Variants in NXPH1 observed in about 807,000 individuals in gnomAD.
NXPH1 encodes neurexophilin-1.
A neutral mutation model predicts 23.7 loss-of-function variants in NXPH1; 5 were observed. The observed-to-expected ratio is 0.21, with a 90% CI of 0.11 to 0.44. The LOEUF is 0.44. NXPH1 is among the 20% of genes least tolerant of loss of function. NXPH1 has a pLI of 0.99. For synonymous variants in NXPH1, 144 were observed against 122.2 expected, an observed-to-expected ratio of 1.18 and a Z score of -1.18; for missense variants, 324 against 321.6, an observed-to-expected ratio of 1.01 and a Z score of -0.06.
chr7:8,718,837 T>C (rs906859335), intron 2 of NXPH1, among the ~76,000 whole-genome samples: 1 of 152,202 alleles, frequency 6.6e-6, no homozygotes, highest in Admixed American at 6.5e-5. Flanking sequence ...AACACCCTTT[T>C]TGTATCACAT....
At chr7:8,484,226 G>T (rs188003087) in intron 2 of NXPH1, among the ~76,000 whole-genome samples, 61 of 152,142 alleles carry the variant, frequency 4.0e-4, no homozygotes, top group African/African-American at 1.3e-3. Flanking sequence ...TTCAAACTGT[G>T]CTCAGCAAAT....
intron 2 of NXPH1, among the ~76,000 whole-genome samples, chr7:8,559,081 C>A (rs536471406): frequency 6.6e-6 from 1 of 151,648 alleles, no homozygotes; most frequent in Admixed American, 6.6e-5. Flanking sequence ...ACTTCCACCT[C>A]AGCCTGCTGA....
At chr7:8,674,877 G>C (rs552174995) in intron 2 of NXPH1, among the ~76,000 whole-genome samples, 1 of 152,088 alleles carries the variant, frequency 6.6e-6, no homozygotes. Context: ...AGGAACAATC[G>C]ACCTAGAAAC....
At chr7:8,665,035 A>T (rs1197935157) in intron 2 of NXPH1, among the ~76,000 whole-genome samples, 2 of 151,562 alleles carry the variant, frequency 1.3e-5, no homozygotes, top group Non-Finnish European at 3.0e-5. Context: ...TATGTAATCC[A>T]ATTGTCTGTT....
chr7:8,752,256 G>T lies in NXPH1; in HGVS notation c.*487G>T. ...TCCTACTGCTTGGAGTAGCTGTACT[G>T]GTAAATACTACTGTAGGAGTATCTG... On this transcript the variant is annotated 3_prime_UTR_variant, in exon 3 of 3. Transcript: ENST00000405863. The T allele has an allele frequency of 6.3e-6, 1 of 157,646 alleles. No individual in the cohort carries two copies. The highest frequency in any genetic ancestry group is 6.0e-5 in the Admixed American group (1 of 16,560). The allele number at this position is 157,646 out of a possible 1,614,324, so 9.8% of individuals were successfully genotyped here. A position where few individuals can be genotyped will look rare whatever the true frequency, so the allele number is the denominator to read the frequency against.
At chr7:8,677,625 C>T (rs912414556) in intron 2 of NXPH1, among the ~76,000 whole-genome samples, 20 of 152,192 alleles carry the variant, frequency 1.3e-4, no homozygotes, top group Middle Eastern at 6.8e-3. Context: ...GAGCCCATCC[C>T]ATTACTGTGA....
chr7:8,713,133 T>C (rs987153412), intron 2 of NXPH1, among the ~76,000 whole-genome samples: 1 of 152,138 alleles, frequency 6.6e-6, no homozygotes, highest in South Asian at 2.1e-4. Context: ...TTCTTTTTTA[T>C]TCTTTTTTCT....
chr7:8,561,938 A>T (rs757428068), intron 2 of NXPH1, among the ~76,000 whole-genome samples: 11 of 151,754 alleles, frequency 7.2e-5, no homozygotes, highest in Non-Finnish European at 3.0e-5. Flanking sequence ...TGATGTTTCG[A>T]TATACATATA....
intron 2 of NXPH1, among the ~76,000 whole-genome samples, chr7:8,574,016 G>A (rs938722504): frequency 1.3e-5 from 2 of 152,068 alleles, no homozygotes; most frequent in Admixed American, 6.6e-5. Context: ...AAGATTTATT[G>A]AGGATTTAAG....
chr7:8,544,838 A>G (rs780195342), intron 2 of NXPH1, among the ~76,000 whole-genome samples: 2 of 151,634 alleles, frequency 1.3e-5, no homozygotes, highest in Non-Finnish European at 3.0e-5. Flanking sequence ...TTATGTAGCT[A>G]TACCCTTTAG....
chr7:8,624,371 A>G (rs1819943953), intron 2 of NXPH1, among the ~76,000 whole-genome samples: 1 of 152,184 alleles, frequency 6.6e-6, no homozygotes, highest in African/African-American at 2.4e-5. Context: ...CTCTGAGAAG[A>G]TCAGAGCTAG....
At chr7:8,599,611 T>G (rs540036581) in intron 2 of NXPH1, among the ~76,000 whole-genome samples, 1 of 152,272 alleles carries the variant, frequency 6.6e-6, no homozygotes, top group Non-Finnish European at 1.5e-5. Context: ...CTGCCTTCAA[T>G]TCCTTCATTT....
At chr7:8,487,099 T>G (rs1817171285) in intron 2 of NXPH1, among the ~76,000 whole-genome samples, 1 of 152,168 alleles carries the variant, frequency 6.6e-6, no homozygotes, top group African/African-American at 2.4e-5. Context: ...TACATATTTT[T>G]GAATGAATAT....
At chr7:8,437,835 C>G (rs1816222563) in intron 2 of NXPH1, among the ~76,000 whole-genome samples, 1 of 152,200 alleles carries the variant, frequency 6.6e-6, no homozygotes, top group African/African-American at 2.4e-5. Flanking sequence ...ACCTGAATGC[C>G]TTTTGGCAAT....
intron 2 of NXPH1, among the ~76,000 whole-genome samples, chr7:8,720,851 G>A (rs1488071007): frequency 6.6e-6 from 1 of 152,122 alleles, no homozygotes; most frequent in Non-Finnish European, 1.5e-5. Context: ...CCTATAAAAT[G>A]ATTTGCAGTG....
intron 2 of NXPH1, among the ~76,000 whole-genome samples, chr7:8,449,050 T>A (rs1816458183): frequency 1.3e-5 from 2 of 152,238 alleles, no homozygotes; most frequent in African/African-American, 4.8e-5. Context: ...CATTTGAGAT[T>A]ATCTTAAAAT....
chr7:8,714,303 C>A (rs1273921902), intron 2 of NXPH1, among the ~76,000 whole-genome samples: 2 of 151,216 alleles, frequency 1.3e-5, no homozygotes, highest in African/African-American at 4.9e-5. Flanking sequence ...GTGGTGGATG[C>A]TGACAGACCT....
intron 2 of NXPH1, among the ~76,000 whole-genome samples, chr7:8,607,270 T>TG (rs1819516281): frequency 6.6e-6 from 1 of 152,196 alleles, no homozygotes; most frequent in Non-Finnish European, 1.5e-5. Context: ...AAATTTTACA[T>TG]GCTCTGGGTG....
chr7:8,656,398 T>C (rs545805757), intron 2 of NXPH1, among the ~76,000 whole-genome samples: 2 of 152,272 alleles, frequency 1.3e-5, no homozygotes, highest in African/African-American at 4.8e-5. Flanking sequence ...TTACTTCTAT[T>C]AGACTGGGAG....
Sources: allele counts gnomAD v4.1 joint callset (sites outside exome capture counted in the v4.1 genomes callset), GRCh38; gene constraint gnomAD v4.1.1; transcripts MANE v1.5; gene names NCBI Gene and HGNC (gene_info 2026-07-23, HGNC 2026-07-21).